The following ASTN2 variants were observed in gnomAD, a reference collection of about 807,000 sequenced individuals.
ASTN2 encodes the protein astrotactin-2.
ASTN2 carries 54 observed loss-of-function variants against 139.8 expected under a neutral mutation model. That is an observed-to-expected ratio of 0.39 (90% CI 0.31 to 0.48). The LOEUF (loss-of-function observed/expected upper bound fraction) is 0.48. Ranked by LOEUF, ASTN2 falls within the 20% of genes least tolerant of loss-of-function variation. The pLI is 0.95. For missense variants in ASTN2, 1,565 were observed against 1,725.1 expected (o/e 0.91, Z 1.64); for synonymous variants, 756 against 719.5 (o/e 1.05, Z -0.81).
At chr9:117,135,094 C>A (rs1829919382) in intron 4 of ASTN2, among the ~76,000 whole-genome samples, 1 of 152,336 alleles carries the variant, frequency 6.6e-6, no homozygotes, top group African/African-American at 2.4e-5. Flanking sequence ...GCAAGAGAAG[C>A]TGCACGTACT....
intron 1 of ASTN2, among the ~76,000 whole-genome samples, chr9:117,341,854 G>C (rs1050517929): frequency 1.3e-5 from 2 of 152,150 alleles, no homozygotes; most frequent in Non-Finnish European, 2.9e-5. Context: ...AGCACACACT[G>C]TGTGCCATAT....
At chr9:117,118,195 C>A (rs1829448176) in intron 4 of ASTN2, among the ~76,000 whole-genome samples, 1 of 152,044 alleles carries the variant, frequency 6.6e-6, no homozygotes, top group African/African-American at 2.4e-5. Flanking sequence ...TTCTATATTT[C>A]CCATATGGTT....
chr9:116,975,488 C>T, intron 9 of ASTN2, 143 bp from the exon 10 acceptor site: 1 of 733,168 alleles, frequency 1.4e-6, no homozygotes, highest in Non-Finnish European at 2.0e-6. Context: ...ACAATGTTGG[C>T]CAACTTTCTC....
chr9:116,463,611 G>A (rs1475521188), intron 20 of ASTN2, among the ~76,000 whole-genome samples: 4 of 152,080 alleles, frequency 2.6e-5, no homozygotes, highest in East Asian at 1.9e-4. Flanking sequence ...CCTCCCTCTG[G>A]GAAGCCTTCT....
chr9:116,539,259 A>T (rs1209226870), intron 19 of ASTN2, among the ~76,000 whole-genome samples: 1 of 152,124 alleles, frequency 6.6e-6, no homozygotes, highest in Admixed American at 6.6e-5. Flanking sequence ...ATGTCCTAAA[A>T]TTGACCGTGG....
intron 19 of ASTN2, among the ~76,000 whole-genome samples, chr9:116,489,354 T>A (rs1367819505): frequency 6.6e-6 from 1 of 152,178 alleles, no homozygotes; most frequent in Non-Finnish European, 1.5e-5. Context: ...TTAATTTTTT[T>A]GAGACAGGGT....
At chr9:116,883,025 T>A (rs1219846649) in intron 10 of ASTN2, among the ~76,000 whole-genome samples, 1 of 152,138 alleles carries the variant, frequency 6.6e-6, no homozygotes. Flanking sequence ...GTTGACCAAG[T>A]GATCACAGTA....
intron 19 of ASTN2, chr9:116,585,714 C>A (rs1390347176): frequency 6.6e-6 from 1 of 152,134 alleles, no homozygotes; most frequent in Non-Finnish European, 1.5e-5. Flanking sequence ...CTATAAGAAT[C>A]CTAGAAGAAA....
At chr9:116,458,447 C>A (rs1271453552) in intron 20 of ASTN2, among the ~76,000 whole-genome samples, 3 of 151,612 alleles carry the variant, frequency 2.0e-5, no homozygotes, top group African/African-American at 7.3e-5. Context: ...TATTACACAT[C>A]GCATACTTGT....
chr9:116,736,679 C>T (rs1017246896), intron 13 of ASTN2, among the ~76,000 whole-genome samples: 6 of 152,138 alleles, frequency 3.9e-5, no homozygotes, highest in South Asian at 2.1e-4. Context: ...CCAGTTTAAC[C>T]GACAAGGAAA....
chr9:117,382,722 C>G (rs1830303486), intron 1 of ASTN2, among the ~76,000 whole-genome samples: 1 of 152,094 alleles, frequency 6.6e-6, no homozygotes, highest in Non-Finnish European at 1.5e-5. Flanking sequence ...GAAAATAGAC[C>G]ACGATTAATC....
intron 16 of ASTN2, among the ~76,000 whole-genome samples, chr9:116,652,139 C>G (rs1192507019): frequency 6.6e-6 from 1 of 151,862 alleles, no homozygotes; most frequent in Non-Finnish European, 1.5e-5. Context: ...GCCTGGCCAA[C>G]ATTGCAAAAA....
At chr9:116,938,725 A>G (rs1421449478) in intron 10 of ASTN2, among the ~76,000 whole-genome samples, 2 of 152,190 alleles carry the variant, frequency 1.3e-5, no homozygotes, top group African/African-American at 4.8e-5. Flanking sequence ...TATTATCACA[A>G]TATTGTTTTC....
At chr9:116,945,324 C>T (rs1011817118) in intron 10 of ASTN2, among the ~76,000 whole-genome samples, 3 of 152,112 alleles carry the variant, frequency 2.0e-5, no homozygotes, top group Non-Finnish European at 4.4e-5. Context: ...CCCTGAGTCA[C>T]ACATGCAAAT....
At chr9:117,134,986 T>G (rs1043534792) in intron 4 of ASTN2, among the ~76,000 whole-genome samples, 3 of 152,214 alleles carry the variant, frequency 2.0e-5, no homozygotes, top group Non-Finnish European at 4.4e-5. Flanking sequence ...CAGTGCTGAT[T>G]CATTCTTAGC....
intron 3 of ASTN2, among the ~76,000 whole-genome samples, chr9:117,142,283 A>G (rs1418775954): frequency 6.6e-6 from 1 of 152,240 alleles, no homozygotes; most frequent in Non-Finnish European, 1.5e-5. Context: ...ATCACTAACT[A>G]AAGTATGGAG....
chr9:116,471,567 G>A (rs919732039), intron 20 of ASTN2, among the ~76,000 whole-genome samples: 3 of 152,054 alleles, frequency 2.0e-5, no homozygotes, highest in South Asian at 4.2e-4. Flanking sequence ...GGCATCCCGG[G>A]GAAAGAGGGA....
At chr9:117,173,213 C>G (rs1488791738) in intron 3 of ASTN2, among the ~76,000 whole-genome samples, 1 of 152,120 alleles carries the variant, frequency 6.6e-6, no homozygotes, top group African/African-American at 2.4e-5. Flanking sequence ...ACTTCATTCA[C>G]TTAGCAATCT....
intron 12 of ASTN2, among the ~76,000 whole-genome samples, chr9:116,819,708 G>A (rs959971365): frequency 1.3e-5 from 2 of 152,116 alleles, no homozygotes; most frequent in Non-Finnish European, 2.9e-5. Flanking sequence ...TTATTTTTCT[G>A]AGTCACAGAA....
Sources: gnomAD v4.1 joint callset for allele counts (sites outside exome capture counted in the v4.1 genomes callset) on GRCh38, gnomAD v4.1.1 for gene constraint, MANE v1.5 for transcripts, NCBI Gene and HGNC (gene_info 2026-07-23, HGNC 2026-07-21) for gene names.